The following OSBPL5 variants were observed in gnomAD, a reference collection of about 807,000 sequenced individuals.
OSBPL5 encodes the protein oxysterol binding protein like 5.
In OSBPL5, 71 loss-of-function variants were observed where a neutral mutation model predicts 111.2. The ratio of observed to expected loss-of-function variants is 0.64; its 90% CI spans 0.53 to 0.78. The LOEUF is 0.78. Ranked by LOEUF, OSBPL5 falls within the 30% of genes least tolerant of loss-of-function variation. OSBPL5 has a pLI of 0.00. For synonymous variants in OSBPL5, 549 were observed against 513.9 expected (o/e 1.07, Z -0.93); for missense variants, 1,210 against 1,189.3 (o/e 1.02, Z -0.26).
rs184222058 is a variant in OSBPL5 at position 3,087,574 on chromosome 11, G to C, written c.*631C>G. ...CACCTGCGTGTGCCCCCACCAGAGC[G>C]AGCGTCCAGGTGTGGGGGTGGGGTG... On this transcript the variant is annotated 3_prime_UTR_variant, in exon 22 of 22. Transcript: ENST00000263650. 1 of 153,026 alleles carries C rather than the reference G, an allele frequency of 6.5e-6. No homozygotes were observed. Among genetic ancestry groups the C allele is most frequent in the African/African-American group, 2.4e-5 (1 of 41,470 alleles). The allele number at this position is 153,026 out of a possible 1,614,324, so 9.5% of individuals were successfully genotyped here.
At chr11:3,089,267 G>A (rs946129027) in intron 21 of OSBPL5, among the ~76,000 whole-genome samples, 1 of 152,214 alleles carries the variant, frequency 6.6e-6, no homozygotes, top group African/African-American at 2.4e-5. Context: ...GGAGGCTGAG[G>A]TGTGACAGCC....
chr11:3,129,162 G>A lies in OSBPL5; in HGVS notation c.-14C>T, dbSNP rs765126791. 5 of 1,399,970 alleles carry A rather than the reference G, an allele frequency of 3.6e-6. No homozygotes were observed. Among genetic ancestry groups the A allele is most frequent in the Non-Finnish European group, 3.7e-6 (4 of 1,068,944 alleles). The allele number at this position is 1,399,970 out of a possible 1,614,324, so 86.7% of individuals were successfully genotyped here. On this transcript the variant is annotated 5_prime_UTR_variant, in exon 2 of 22. Coordinates refer to ENST00000263650, the MANE Select transcript of OSBPL5 (RefSeq NM_020896.4). ...CTCCTCCTTCATGCTGTGGGCGCTCGGGGGCTTCTGGAAGGAAGGAAGGAG... is the reference window on the plus strand; with the variant it reads ...CTCCTCCTTCATGCTGTGGGCGCTCAGGGGCTTCTGGAAGGAAGGAAGGAG...
At chr11:3,132,377 C>T (rs910401143) in intron 1 of OSBPL5, among the ~76,000 whole-genome samples, 12 of 152,182 alleles carry the variant, frequency 7.9e-5, no homozygotes, top group Middle Eastern at 3.4e-3. Flanking sequence ...CCTTCTGGAG[C>T]CCCCCATCCC....
intron 1 of OSBPL5, among the ~76,000 whole-genome samples, chr11:3,155,142 C>G (rs140614425): frequency 2.3e-3 from 354 of 152,318 alleles, no homozygotes; most frequent in African/African-American, 7.9e-3. Flanking sequence ...ACTCCAGCCT[C>G]CAGAACTGAG....
intron 1 of OSBPL5, among the ~76,000 whole-genome samples, chr11:3,159,151 C>T (rs1041715632): frequency 3.3e-4 from 50 of 152,138 alleles, no homozygotes; most frequent in African/African-American, 1.1e-3. Context: ...AGAGTGTGCA[C>T]GCACCCTGAG....
At chr11:3,158,814 G>T (rs182624079) in intron 1 of OSBPL5, among the ~76,000 whole-genome samples, 47 of 152,344 alleles carry the variant, frequency 3.1e-4, no homozygotes, top group African/African-American at 8.4e-4. Context: ...CAAGGAGCAG[G>T]AGCAGATGGA....
In OSBPL5 at chr11:3,135,753, C is replaced by A. The variant is rs527343228; in HGVS notation, c.-21-6584G>T. On this transcript the variant is annotated intron_variant, in intron 1 of 21. Transcript: ENST00000263650. ...CGCCTTGCCTGCGGCAGGGTCCCACCCACACCCAGAGCCACTGCTTGACCC... is the reference window on the plus strand; with the variant it reads ...CGCCTTGCCTGCGGCAGGGTCCCACACACACCCAGAGCCACTGCTTGACCC... Among the ~76,000 whole-genome samples, 10 of 152,336 alleles carry A rather than the reference C, an allele frequency of 6.6e-5. No individual in the cohort carries two copies. The South Asian group carries it at 1.7e-3, about 25-fold the overall frequency.
Position 3,119,590 on chromosome 11 carries a change from C to T in OSBPL5, c.648G>A (p.Leu216=). 6.3e-7 allele frequency: 1 copy of T among 1,577,530 alleles called. No homozygotes were observed. The highest frequency in any genetic ancestry group is 8.6e-7 in the Non-Finnish European group (1 of 1,166,402). Residue 216 remains leucine (L), a synonymous_variant, in exon 7 of 22, where the codon CTG becomes CTA. Coordinates refer to ENST00000263650, the MANE Select transcript of OSBPL5 (RefSeq NM_020896.4). The stretch of plus-strand genomic sequence containing the variant: ...CCCTGAAGATCAGGTAGCTGCTGGG[C>T]AGGGGCTGTGTGATGGAGCCCACGC... The part of the protein sequence containing the change: ...GESVGSITQP[L]PSSYLIFRAA...
At chr11:3,123,624 G>A (rs983840211) in intron 3 of OSBPL5, among the ~76,000 whole-genome samples, 4 of 152,190 alleles carry the variant, frequency 2.6e-5, no homozygotes, top group African/African-American at 4.8e-5. Context: ...ACTTTCCAGC[G>A]GAGCCTCTAG....
chr11:3,101,703 C>T lies in OSBPL5; in HGVS notation c.1426-4G>A, dbSNP rs372869408. On this transcript the variant is annotated splice_region_variant and splice_polypyrimidine_tract_variant and intron_variant, in intron 12 of 21. Coordinates refer to ENST00000263650, the MANE Select transcript of OSBPL5 (RefSeq NM_020896.4). ...ACACGGGCGGGTGGTGGGACACCTG[C>T]GTGCAGGGAGGCGGCTCTGTAAACA... The T allele has an allele frequency of 4.2e-5, 68 of 1,612,314 alleles. No homozygotes were observed. In the South Asian group the frequency reaches 5.5e-4, roughly 13 times the overall value.
chr11:3,121,934 C>T lies in OSBPL5; in HGVS notation c.402+63G>A. 2 of 1,438,962 alleles carry T rather than the reference C, an allele frequency of 1.4e-6. No individual in the cohort carries two copies. Among genetic ancestry groups the T allele is most frequent in the Non-Finnish European group, 1.9e-6 (2 of 1,058,526 alleles). 89.1% of individuals were successfully genotyped at this position (1,438,962 alleles called of 1,614,324 possible). A position where few individuals can be genotyped will look rare whatever the true frequency, so the allele number is the denominator to read the frequency against. On this transcript the variant is annotated intron_variant, in intron 5 of 21. Coordinates refer to ENST00000263650, the MANE Select transcript of OSBPL5 (RefSeq NM_020896.4). This position sits in a 1 kb window ranked among gnomAD's most constrained non-coding sequence, Gnocchi z 4.3. ...GTTTCAGGCCACCTGGTTTATGGTCCTTTGTTATGGCAGCAGCACGCTGAC... is the reference window on the plus strand; with the variant it reads ...GTTTCAGGCCACCTGGTTTATGGTCTTTTGTTATGGCAGCAGCACGCTGAC...
chr11:3,122,189 G>T, intron 4 of OSBPL5, 91 bp from the exon 5 acceptor site: 1 of 1,396,916 alleles, frequency 7.2e-7, no homozygotes, highest in South Asian at 1.2e-5. Context: ...GGGTCCAGGG[G>T]CAGGGGCAGG....
intron 2 of OSBPL5, among the ~76,000 whole-genome samples, chr11:3,128,305 G>A (rs1240637359): frequency 6.6e-6 from 1 of 152,194 alleles, no homozygotes; most frequent in Admixed American, 6.5e-5. Context: ...GGAGGAGAGG[G>A]GGCAGAGCTG....
chr11:3,161,377 T>G lies in OSBPL5; in HGVS notation c.-22+3839A>C, dbSNP rs1846961607. The G allele has an allele frequency of 6.6e-6, 1 of 152,184 alleles. No individual in the cohort carries two copies. Among genetic ancestry groups the G allele is most frequent in the Non-Finnish European group, 1.5e-5 (1 of 68,032 alleles). The allele number at this position is 152,184 out of a possible 1,614,324, so 9.4% of individuals were successfully genotyped here. ...TCACGCCCTCTTGTCCTTCCCATCCTAGAGCATGGAGGAAATGAGCTGGTC... is the reference window on the plus strand; with the variant it reads ...TCACGCCCTCTTGTCCTTCCCATCCGAGAGCATGGAGGAAATGAGCTGGTC... On this transcript the variant is annotated intron_variant, in intron 1 of 21. Transcript: ENST00000263650. This position sits in a 1 kb window ranked among gnomAD's most constrained non-coding sequence, Gnocchi z 8.0.
intron 1 of OSBPL5, among the ~76,000 whole-genome samples, chr11:3,131,859 A>ATCCATCCATCCTCCTG (rs1167305051): frequency 2.9e-5 from 2 of 67,956 alleles, no homozygotes; most frequent in Non-Finnish European, 3.4e-5. Context: ...CCACCAAACC[A>ATCCATCCATCCTCCTG]TCCATCCATC....
In OSBPL5 at chr11:3,103,355, C is replaced by T. The variant is rs377083045; in HGVS notation, c.1245-35G>A. The T allele has an allele frequency of 1.0e-4, 162 of 1,563,652 alleles. 2 individuals carry two copies. The highest frequency in any genetic ancestry group is 6.9e-4 in the African/African-American group (51 of 73,632). ...GGCAGGAGAACGCTGACCCCAGCTCCGGGGGCCGTGGGCCACCCTCCCTTT... is the reference window on the plus strand; with the variant it reads ...GGCAGGAGAACGCTGACCCCAGCTCTGGGGGCCGTGGGCCACCCTCCCTTT... On this transcript the variant is annotated intron_variant, in intron 10 of 21. Coordinates refer to ENST00000263650, the MANE Select transcript of OSBPL5 (RefSeq NM_020896.4).
intron 1 of OSBPL5, among the ~76,000 whole-genome samples, chr11:3,129,767 C>A (rs560548941): frequency 3.8e-4 from 58 of 152,330 alleles, no homozygotes; most frequent in African/African-American, 1.1e-3. Context: ...CCCACATGCA[C>A]CCCAGCAAGA....
chr11:3,093,078 C>G (rs1310164462), intron 17 of OSBPL5, 26 bp from the exon 18 acceptor site: 1 of 1,516,688 alleles, frequency 6.6e-7, no homozygotes, highest in Admixed American at 2.0e-5. Context: ...CCATCCTGAG[C>G]CAGTGGCCCG....
chr11:3,108,063 C>T lies in OSBPL5; in HGVS notation c.692-118G>A. 3.0e-6 allele frequency: 4 copies of T among 1,321,488 alleles called. No homozygotes were observed. The South Asian group carries it at 5.7e-5, about 19-fold the overall frequency. The allele number at this position is 1,321,488 out of a possible 1,614,324, so 81.9% of individuals were successfully genotyped here. A position where few individuals can be genotyped will look rare whatever the true frequency, so the allele number is the denominator to read the frequency against. ...CTCTTCAGGGACCCACCCCCTCCAT[C>T]CCAGACCCACCCCTGGCCCTGCCCC... On this transcript the variant is annotated intron_variant, in intron 7 of 21. Coordinates refer to ENST00000263650, the MANE Select transcript of OSBPL5 (RefSeq NM_020896.4).
Sources: gnomAD v4.1 joint callset for allele counts (sites outside exome capture counted in the v4.1 genomes callset) on GRCh38, gnomAD v4.1.1 for gene constraint, Gnocchi (gnomAD v3.1) non-coding constraint, MANE v1.5 for transcripts, NCBI Gene and HGNC (gene_info 2026-07-23, HGNC 2026-07-21) for gene names.